ME2: variants seen among roughly 807,000 people sequenced by gnomAD.
ME2 encodes NAD-dependent malic enzyme, mitochondrial.
ME2 carries 60 observed loss-of-function variants against 73.7 expected under a neutral mutation model. The ratio of observed to expected loss-of-function variants is 0.81; its 90% CI spans 0.66 to 1.01. The LOEUF is 1.01. ME2 is among the 50% of genes least tolerant of loss of function. ME2 has a pLI of 0.00. For synonymous variants in ME2, 199 were observed against 236.9 expected (o/e 0.84, Z 1.47); for missense variants, 594 against 705.5 (o/e 0.84, Z 1.79).
intron 13 of ME2, 77 bp downstream of exon 13, chr18:50,932,437 G>A: frequency 3.5e-6 from 4 of 1,155,156 alleles, no homozygotes; most frequent in Non-Finnish European, 5.1e-6. Context: ...TTTGGAATGG[G>A]AGACTGAACT....
chr18:50,923,471 G>T (rs1917474711), intron 10 of ME2, among the ~76,000 whole-genome samples: 2 of 152,090 alleles, frequency 1.3e-5, no homozygotes, highest in South Asian at 4.1e-4. Flanking sequence ...AAAATTCTCA[G>T]CCAGGAGTGG....
chr18:50,941,103 CA>C (rs1285908717), intron 15 of ME2, among the ~76,000 whole-genome samples: 1 of 150,942 alleles, frequency 6.6e-6, no homozygotes, highest in East Asian at 2.0e-4. Flanking sequence ...ACTAAAAATA[CA>C]AAAAAAGTTA....
chr18:50,885,213 T>C (rs796191999), intron 1 of ME2, among the ~76,000 whole-genome samples: 5 of 152,308 alleles, frequency 3.3e-5, no homozygotes, highest in African/African-American at 7.2e-5. Context: ...CATAAACATA[T>C]GATGAATTCT....
chr18:50,892,324 A>G (rs1008064470), intron 1 of ME2, among the ~76,000 whole-genome samples: 2 of 152,318 alleles, frequency 1.3e-5, no homozygotes, highest in Admixed American at 1.3e-4. Context: ...GCAGTGAGCT[A>G]TGATTGTGCC....
At chr18:50,941,299 C>T (rs934615738) in intron 15 of ME2, among the ~76,000 whole-genome samples, 24 of 144,240 alleles carry the variant, frequency 1.7e-4, no homozygotes, top group African/African-American at 3.1e-4. Flanking sequence ...GAAATAACAG[C>T]GTAATGAACA....
chr18:50,930,433 G>A (rs572444534), intron 12 of ME2, among the ~76,000 whole-genome samples: 2 of 152,152 alleles, frequency 1.3e-5, no homozygotes, highest in African/African-American at 2.4e-5. Context: ...GCTGCTCAGC[G>A]AGAAAAATAC....
intron 15 of ME2, among the ~76,000 whole-genome samples, chr18:50,946,689 T>A (rs1568178091): frequency 6.6e-6 from 1 of 152,184 alleles, no homozygotes; most frequent in Non-Finnish European, 1.5e-5. Context: ...TTCTTCCTGG[T>A]CAAGTTGGCT....
At chr18:50,879,433 C>A (rs1916258355) in intron 1 of ME2, 125 bp downstream of exon 1, 1 of 152,222 alleles carries the variant, frequency 6.6e-6, no homozygotes, top group African/African-American at 2.4e-5. Flanking sequence ...CGGCCCCCGC[C>A]GTTCCCGGCC....
chr18:50,950,443 C>A lies in ME2; in HGVS notation c.*3259C>A. 7.3e-6 allele frequency: 1 copy of A among 136,798 alleles called. No homozygotes were observed. 8.5% of individuals were successfully genotyped at this position (136,798 alleles called of 1,614,324 possible). On this transcript the variant is annotated 3_prime_UTR_variant, in exon 16 of 16. Transcript: ENST00000321341. ...AAGATTCTGATGCTGATGCATAGGG[C>A]CTGGGGTGGGGCCTCAGATTCTGCT...
intron 15 of ME2, among the ~76,000 whole-genome samples, chr18:50,940,642 A>G (rs1917926309): frequency 6.6e-6 from 1 of 152,128 alleles, no homozygotes; most frequent in Admixed American, 6.6e-5. Flanking sequence ...ATTGTTTTAA[A>G]GAATAGAGAT....
At chr18:50,886,254 T>A (rs1916466357) in intron 1 of ME2, among the ~76,000 whole-genome samples, 1 of 151,732 alleles carries the variant, frequency 6.6e-6, no homozygotes, top group Admixed American at 6.6e-5. Flanking sequence ...AGATTTTTTT[T>A]TTTTTTTGAG....
Position 50,948,841 on chromosome 18 carries a change from CA to C in ME2, c.*1659del, listed in dbSNP as rs1358383980. ...ACAGGCGTGAGCCACCGCACCCAGC[CA>C]ATTTTTTTTTTTTTTTTTTTTGAGA... On this transcript the variant is annotated 3_prime_UTR_variant, in exon 16 of 16. Coordinates refer to ENST00000321341, the MANE Select transcript of ME2 (RefSeq NM_002396.5). The C allele has an allele frequency of 3.8e-5, 5 of 133,150 alleles. No individual in the cohort carries two copies. The highest frequency in any genetic ancestry group is 4.1e-3 in the Middle Eastern group (1 of 246). The allele number at this position is 133,150 out of a possible 1,614,324, so 8.2% of individuals were successfully genotyped here.
intron 11 of ME2, among the ~76,000 whole-genome samples, chr18:50,925,531 G>A (rs141064784): frequency 4.6e-5 from 7 of 152,306 alleles, no homozygotes; most frequent in African/African-American, 1.7e-4. Flanking sequence ...TATGTGTATA[G>A]TAGACAATAA....
intron 2 of ME2, among the ~76,000 whole-genome samples, chr18:50,903,668 C>T (rs1337835083): frequency 1.3e-5 from 2 of 152,286 alleles, no homozygotes; most frequent in African/African-American, 4.8e-5. Context: ...TAGCTGGTCT[C>T]AAACTCCTGG....
chr18:50,931,841 AT>A (rs1159840455), intron 12 of ME2, among the ~76,000 whole-genome samples: 2 of 149,266 alleles, frequency 1.3e-5, no homozygotes, highest in South Asian at 2.1e-4. Context: ...CACCCAGCTA[AT>A]TTTTTGTATT....
intron 13 of ME2, chr18:50,935,751 C>CAAAAAAAAA (rs34993879): frequency 1.7e-5 from 1 of 57,298 alleles, no homozygotes; most frequent in Admixed American, 2.7e-4. Context: ...GACCCTGTCT[C>CAAAAAAAAA]AAAAAAAAAA....
At chr18:50,918,818 A>G (rs916355939) in intron 7 of ME2, among the ~76,000 whole-genome samples, 44 of 151,164 alleles carry the variant, frequency 2.9e-4, no homozygotes, top group African/African-American at 1.0e-3. Flanking sequence ...GCATGTTACT[A>G]CTAAACCCAT....
chr18:50,913,035 A>G lies in ME2; in HGVS notation c.392+85A>G, dbSNP rs772744846. On this transcript the variant is annotated intron_variant, in intron 4 of 15. Transcript: ENST00000321341. ...ATAACACCCATTACATTTCTATTTTATGTTTGTTAGCCAAATCACATTTCC... is the reference window on the plus strand; with the variant it reads ...ATAACACCCATTACATTTCTATTTTGTGTTTGTTAGCCAAATCACATTTCC... The G allele has an allele frequency of 8.3e-5, 104 of 1,249,734 alleles. 1 individual carries two copies. The highest frequency in any genetic ancestry group is 3.4e-4 in the South Asian group (21 of 61,442). The allele number at this position is 1,249,734 out of a possible 1,614,324, so 77.4% of individuals were successfully genotyped here.
chr18:50,946,953 A>T, intron 15 of ME2, 64 bp from the exon 16 acceptor site: 1 of 1,152,010 alleles, frequency 8.7e-7, no homozygotes, highest in Non-Finnish European at 1.3e-6. Context: ...GTGTTATAAT[A>T]GTACGTTGTC....
Sources: gnomAD v4.1 joint callset for allele counts (sites outside exome capture counted in the v4.1 genomes callset) on GRCh38, gnomAD v4.1.1 for gene constraint, MANE v1.5 for transcripts, NCBI Gene and HGNC (gene_info 2026-07-23, HGNC 2026-07-21) for gene names.